PXDNL: variants seen among roughly 807,000 people sequenced by gnomAD.
The protein encoded by PXDNL is probable oxidoreductase PXDNL.
In PXDNL, 145 loss-of-function variants were observed where a neutral mutation model predicts 150.8. The ratio of observed to expected loss-of-function variants is 0.96; its 90% CI spans 0.84 to 1.10. PXDNL has a LOEUF of 1.10. PXDNL is among the 50% of genes least tolerant of loss of function. The pLI, the probability that PXDNL is intolerant of heterozygous loss-of-function variation, is 0.00. For synonymous variants in PXDNL, 757 were observed against 725.7 expected (o/e 1.04, Z -0.69); for missense variants, 2,087 against 1,873.9 (o/e 1.11, Z -2.10).
chr8:51,683,805 G>C (rs1450840386), intron 1 of PXDNL, among the ~76,000 whole-genome samples: 1 of 152,200 alleles, frequency 6.6e-6, no homozygotes, highest in Non-Finnish European at 1.5e-5. Context: ...ATGCGAGACT[G>C]ATGTGTAGGC....
chr8:51,491,366 A>C (rs1026103230), intron 5 of PXDNL, among the ~76,000 whole-genome samples: 1 of 152,176 alleles, frequency 6.6e-6, no homozygotes, highest in Non-Finnish European at 1.5e-5. Context: ...TACCTAAAAG[A>C]AGCTGCCTCT....
intron 4 of PXDNL, 24 bp from the exon 5 acceptor site, chr8:51,499,794 G>T: frequency 6.8e-7 from 1 of 1,477,442 alleles, no homozygotes; most frequent in African/African-American, 1.4e-5. Context: ...AATCAAGTTG[G>T]TTACTCCTTG....
chr8:51,419,955 C>T (rs953481370), intron 14 of PXDNL, among the ~76,000 whole-genome samples: 6 of 152,134 alleles, frequency 3.9e-5, no homozygotes, highest in Non-Finnish European at 8.8e-5. Flanking sequence ...AATCTATTAG[C>T]TCTAAAGGGA....
chr8:51,751,059 T>C (rs545720348), intron 1 of PXDNL, among the ~76,000 whole-genome samples: 1 of 132,536 alleles, frequency 7.5e-6, no homozygotes, highest in Non-Finnish European at 1.6e-5. Context: ...TTAATTTTTA[T>C]AGAGGAAAAG....
At chr8:51,332,604 A>T (rs1331480656) in intron 21 of PXDNL, among the ~76,000 whole-genome samples, 2 of 152,118 alleles carry the variant, frequency 1.3e-5, no homozygotes, top group Non-Finnish European at 2.9e-5. Context: ...AAGTGAAAGG[A>T]GAAATATTCA....
intron 1 of PXDNL, among the ~76,000 whole-genome samples, chr8:51,776,810 C>T (rs1291481627): frequency 6.6e-6 from 1 of 152,068 alleles, no homozygotes; most frequent in African/African-American, 2.4e-5. Context: ...CCTCTTTCCC[C>T]TCCTGCAATG....
chr8:51,606,073 C>CT (rs769234054), intron 2 of PXDNL, among the ~76,000 whole-genome samples: 10 of 150,328 alleles, frequency 6.7e-5, no homozygotes, highest in South Asian at 4.2e-4. Flanking sequence ...AGACAGATCT[C>CT]TTTTTAAAAA....
At chr8:51,559,726 T>C (rs1812682127) in intron 3 of PXDNL, among the ~76,000 whole-genome samples, 2 of 151,930 alleles carry the variant, frequency 1.3e-5, no homozygotes, top group Admixed American at 1.3e-4. Flanking sequence ...TTGAGGAAAT[T>C]AGAACCCTGG....
At chr8:51,397,477 GT>G (rs1346578009) in intron 17 of PXDNL, among the ~76,000 whole-genome samples, 1 of 150,730 alleles carries the variant, frequency 6.6e-6, no homozygotes, top group Admixed American at 6.6e-5. Flanking sequence ...CCTTCTGCTT[GT>G]TTAACAAATA....
intron 17 of PXDNL, among the ~76,000 whole-genome samples, chr8:51,406,830 T>C (rs1808449477): frequency 6.6e-6 from 1 of 152,174 alleles, no homozygotes; most frequent in Non-Finnish European, 1.5e-5. Flanking sequence ...TGCTGTTCAG[T>C]CATCTCGGCT....
intron 12 of PXDNL, among the ~76,000 whole-genome samples, chr8:51,434,185 G>T (rs561041581): frequency 1.3e-5 from 2 of 152,162 alleles, no homozygotes; most frequent in South Asian, 2.1e-4. Flanking sequence ...AGTTATTTTT[G>T]TCGAAACACT....
intron 8 of PXDNL, among the ~76,000 whole-genome samples, chr8:51,458,515 CATAG>C (rs1374202676): frequency 2.0e-5 from 3 of 152,096 alleles, no homozygotes; most frequent in African/African-American, 4.8e-5. Context: ...ACGTTTTAGG[CATAG>C]ATAAAGGAAA....
chr8:51,559,912 C>T (rs1193430097), intron 3 of PXDNL, among the ~76,000 whole-genome samples: 8 of 151,864 alleles, frequency 5.3e-5, no homozygotes, highest in Admixed American at 6.6e-5. Flanking sequence ...AAGATAATCA[C>T]TGTAAGGAAA....
Position 51,434,233 on chromosome 8 carries a change from C to A in PXDNL, c.1526-7475G>T, listed in dbSNP as rs1563410657. On this transcript the variant is annotated intron_variant, in intron 12 of 22. Transcript: ENST00000356297. ...TTCCAGCGTCTTTTGGCTTCTGTTG[C>A]TACTGACATAAAGCCTGTTGTTAGT... Among the ~76,000 whole-genome samples, 4 of 152,322 alleles carry A rather than the reference C, an allele frequency of 2.6e-5. No individual in the cohort carries two copies. The South Asian group carries it at 8.3e-4, about 32-fold the overall frequency.
At chr8:51,410,481 G>A (rs1303853681) in intron 16 of PXDNL, among the ~76,000 whole-genome samples, 1 of 152,086 alleles carries the variant, frequency 6.6e-6, no homozygotes. Context: ...GGGTGACCAG[G>A]GACAGTCAAA....
intron 1 of PXDNL, among the ~76,000 whole-genome samples, chr8:51,750,479 C>T (rs1005367538): frequency 2.0e-5 from 3 of 152,186 alleles, no homozygotes; most frequent in Non-Finnish European, 4.4e-5. Context: ...GGCAGTAAGA[C>T]AGCTATGACA....
intron 3 of PXDNL, among the ~76,000 whole-genome samples, chr8:51,584,116 G>A (rs1434598568): frequency 1.3e-5 from 2 of 152,144 alleles, no homozygotes; most frequent in Non-Finnish European, 2.9e-5. Flanking sequence ...CTTGAAGATT[G>A]GGCTATTTTT....
rs182109168 is a variant in PXDNL at position 51,698,899 on chromosome 8, C to T, written c.165-44139G>A. Among the ~76,000 whole-genome samples the T allele has an allele frequency of 1.7e-3, 261 of 152,282 alleles. 1 individual carries two copies. The highest frequency in any genetic ancestry group is 2.4e-3 in the Non-Finnish European group (164 of 68,010). On this transcript the variant is annotated intron_variant, in intron 1 of 22. Transcript: ENST00000356297. ...ATCAGAGCTCTTGGGTGACCAGGTG[C>T]TTATCAATGAGTGGTAATATTTTGA...
chr8:51,675,194 C>T (rs150465477), intron 1 of PXDNL, among the ~76,000 whole-genome samples: 157 of 152,294 alleles, frequency 1.0e-3, no homozygotes, highest in African/African-American at 3.5e-3. Flanking sequence ...TGTCTCCCCT[C>T]CAAAATTCAG....
Sources: allele counts gnomAD v4.1 joint callset (sites outside exome capture counted in the v4.1 genomes callset), GRCh38; gene constraint gnomAD v4.1.1; transcripts MANE v1.5; gene names NCBI Gene and HGNC (gene_info 2026-07-23, HGNC 2026-07-21).